Variants in LRP1B observed in about 807,000 individuals in gnomAD.
LRP1B encodes low-density lipoprotein receptor-related protein 1B.
Under a neutral mutation model 556.6 loss-of-function variants are expected in LRP1B, and 217 were observed. That is an observed-to-expected ratio of 0.39 (90% CI 0.35 to 0.44). The LOEUF is 0.44. LRP1B is among the 20% of genes least tolerant of loss of function. The probability of loss-of-function intolerance (pLI) is 1.00; values close to 1 mark genes in which losing one functional copy is unlikely to be tolerated. For synonymous variants in LRP1B, 2,047 were observed against 1,865.8 expected, an observed-to-expected ratio of 1.10 and a Z score of -2.50; for missense variants, 5,053 against 5,620.8, an observed-to-expected ratio of 0.90 and a Z score of 3.23.
chr2:141,342,252 AAAAAATAAAATAAAT>A (rs921431409), intron 3 of LRP1B, among the ~76,000 whole-genome samples: 4 of 130,214 alleles, frequency 3.1e-5, no homozygotes, highest in East Asian at 2.0e-4. Flanking sequence ...TCAAAAAAAA[AAAAAATAAAATAAAT>A]AAAAATAAAA....
chr2:141,702,519 A>G (rs2028133), intron 2 of LRP1B, among the ~76,000 whole-genome samples: 54,534 of 151,408 alleles, frequency 0.36, 10,353 homozygotes, highest in East Asian at 0.59. Context: ...CCTTACCAAA[A>G]ACTGCTGGCT....
rs530155824 is a variant in LRP1B, at chr2:141,485,460, T to C, written c.206-4927A>G. Among the ~76,000 whole-genome samples the C allele has an allele frequency of 3.3e-5, 5 of 152,308 alleles. No individual in the cohort carries two copies. The South Asian group carries it at 6.2e-4, about 19-fold the overall frequency. On this transcript the variant is annotated intron_variant, in intron 2 of 90. Coordinates refer to ENST00000389484, the MANE Select transcript of LRP1B (RefSeq NM_018557.3). ...GACCTCTTTGACCAGTGCTAGGATATTTCAGTTGGAAAACTGCTTAAATCA... is the reference window on the plus strand; with the variant it reads ...GACCTCTTTGACCAGTGCTAGGATACTTCAGTTGGAAAACTGCTTAAATCA...
At chr2:140,931,448 T>A (rs1189689091) in intron 20 of LRP1B, among the ~76,000 whole-genome samples, 1 of 151,856 alleles carries the variant, frequency 6.6e-6, no homozygotes, top group African/African-American at 2.4e-5. Flanking sequence ...AAATTCGTCA[T>A]GAGTACATAG....
intron 1 of LRP1B, among the ~76,000 whole-genome samples, chr2:142,093,364 G>A (rs1299231175): frequency 6.6e-6 from 1 of 152,002 alleles, no homozygotes; most frequent in African/African-American, 2.4e-5. Flanking sequence ...TTTTATATAA[G>A]CTATCACAAA....
rs1031415212 is a variant in LRP1B, at chr2:140,359,941, G to A, written c.11132-995C>T. ...TCTCATTGACCATCAATTCTCAGTAGTCACCAAGTCCTGTTGCTATTGTCC... is the reference window on the plus strand; with the variant it reads ...TCTCATTGACCATCAATTCTCAGTAATCACCAAGTCCTGTTGCTATTGTCC... On this transcript the variant is annotated intron_variant, in intron 72 of 90. Transcript: ENST00000389484. 4.0e-5 allele frequency among the ~76,000 whole-genome samples: 6 copies of A among 151,534 alleles called. No individual in the cohort carries two copies. In the South Asian group the frequency reaches 1.2e-3, roughly 31 times the overall value.
At chr2:141,717,715 A>C (rs1209477243) in intron 2 of LRP1B, among the ~76,000 whole-genome samples, 1 of 152,232 alleles carries the variant, frequency 6.6e-6, no homozygotes, top group Middle Eastern at 3.2e-3. Flanking sequence ...CTTCTGACCT[A>C]TCTGTATATC....
chr2:140,258,774 C>T (rs896934788), intron 86 of LRP1B, among the ~76,000 whole-genome samples: 1 of 152,058 alleles, frequency 6.6e-6, no homozygotes, highest in Non-Finnish European at 1.5e-5. Flanking sequence ...GCAAACAAAA[C>T]AATGTGGAGT....
At chr2:141,537,212 T>C (rs1685096511) in intron 2 of LRP1B, among the ~76,000 whole-genome samples, 1 of 152,072 alleles carries the variant, frequency 6.6e-6, no homozygotes, top group South Asian at 2.1e-4. Context: ...ATGCTGGAAG[T>C]ACATATTAGT....
intron 2 of LRP1B, among the ~76,000 whole-genome samples, chr2:141,590,435 G>A (rs562886360): frequency 6.6e-6 from 1 of 152,088 alleles, no homozygotes; most frequent in Admixed American, 6.6e-5. Flanking sequence ...TGCCCTAGGG[G>A]TTGTCGGTGT....
At chr2:140,255,600 C>G (rs1367621576) in intron 86 of LRP1B, among the ~76,000 whole-genome samples, 1 of 152,098 alleles carries the variant, frequency 6.6e-6, no homozygotes, top group African/African-American at 2.4e-5. Flanking sequence ...TGAACAGTAT[C>G]CAGTAAATAC....
intron 1 of LRP1B, among the ~76,000 whole-genome samples, chr2:141,867,864 T>C (rs937497742): frequency 1.3e-5 from 2 of 152,222 alleles, no homozygotes; most frequent in South Asian, 2.1e-4. Context: ...GGGGAATAAG[T>C]TATACAAATT....
chr2:141,797,260 T>C (rs554289124), intron 2 of LRP1B, among the ~76,000 whole-genome samples: 1 of 148,340 alleles, frequency 6.7e-6, no homozygotes, highest in East Asian at 2.0e-4. Flanking sequence ...ATTTTTTAAA[T>C]CTCAGGCAAA....
At chr2:142,020,968 A>C (rs1419456882) in intron 1 of LRP1B, among the ~76,000 whole-genome samples, 1 of 152,242 alleles carries the variant, frequency 6.6e-6, no homozygotes, top group Non-Finnish European at 1.5e-5. Context: ...ATCTACTTCC[A>C]TGAATGACAG....
At chr2:140,424,748 G>A (rs769115829) in intron 66 of LRP1B, among the ~76,000 whole-genome samples, 5 of 152,176 alleles carry the variant, frequency 3.3e-5, no homozygotes, top group East Asian at 3.9e-4. Context: ...CAAACAGTGC[G>A]TGAACATGCT....
At chr2:140,635,257 C>T (rs939763962) in intron 41 of LRP1B, among the ~76,000 whole-genome samples, 1 of 151,868 alleles carries the variant, frequency 6.6e-6, no homozygotes. Context: ...AGATTAAATG[C>T]TATGTGAAGC....
chr2:140,331,911 G>A (rs952331324), intron 79 of LRP1B, among the ~76,000 whole-genome samples: 2 of 151,788 alleles, frequency 1.3e-5, no homozygotes, highest in African/African-American at 2.4e-5. Context: ...TGGGCAGGCT[G>A]GTCTCAAACT....
intron 3 of LRP1B, among the ~76,000 whole-genome samples, chr2:141,402,870 A>G (rs1444647806): frequency 6.6e-6 from 1 of 152,092 alleles, no homozygotes; most frequent in Non-Finnish European, 1.5e-5. Flanking sequence ...AACTACTGAA[A>G]AGATGAATTT....
chr2:140,909,633 G>A (rs1694357447), intron 21 of LRP1B, among the ~76,000 whole-genome samples: 1 of 150,674 alleles, frequency 6.6e-6, no homozygotes, highest in African/African-American at 2.4e-5. Context: ...ATACTACCTA[G>A]GACAATTAGG....
chr2:141,856,519 T>A (rs1698057174), intron 1 of LRP1B, among the ~76,000 whole-genome samples: 1 of 152,186 alleles, frequency 6.6e-6, no homozygotes, highest in Non-Finnish European at 1.5e-5. Context: ...CCCCAGCTGC[T>A]ACTTCTGAAA....
Sources: allele counts gnomAD v4.1 joint callset (sites outside exome capture counted in the v4.1 genomes callset), GRCh38; gene constraint gnomAD v4.1.1; transcripts MANE v1.5; gene names NCBI Gene and HGNC (gene_info 2026-07-23, HGNC 2026-07-21).